DAB1: variants seen among roughly 807,000 people sequenced by gnomAD.
The protein encoded by DAB1 is disabled homolog 1.
In DAB1, 15 loss-of-function variants were observed where a neutral mutation model predicts 64.6. That is an observed-to-expected ratio of 0.23 (90% CI 0.16 to 0.36). The LOEUF (loss-of-function observed/expected upper bound fraction) is 0.36. Among genes scored for constraint, DAB1 ranks in the 10% least tolerant of loss-of-function variants. DAB1 has a pLI of 1.00. For synonymous variants in DAB1, 235 were observed against 251.9 expected (o/e 0.93, Z 0.64); for missense variants, 596 against 706.7 (o/e 0.84, Z 1.78).
chr1:57,000,586 GTTGTAAGGC>G, intron 14 of DAB1, among the ~76,000 whole-genome samples: 2 of 152,234 alleles, frequency 1.3e-5, no homozygotes, highest in South Asian at 4.2e-4. Flanking sequence ...TCAAATACAT[GTTGTAAGGC>G]TAAACATGTA....
chr1:58,063,032 G>A (rs1648602780), intron 5 of DAB1, among the ~76,000 whole-genome samples: 1 of 152,302 alleles, frequency 6.6e-6, no homozygotes, highest in Admixed American at 6.5e-5. Flanking sequence ...CATGTGCAAA[G>A]CACTCAGCTA....
At chr1:57,587,594 A>C (rs1419433171) in intron 7 of DAB1, among the ~76,000 whole-genome samples, 1 of 152,244 alleles carries the variant, frequency 6.6e-6, no homozygotes, top group Non-Finnish European at 1.5e-5. Flanking sequence ...CCACAAGGTT[A>C]TAATAGTCAT....
chr1:57,078,414 A>G (rs1652186359), intron 4 of DAB1, among the ~76,000 whole-genome samples: 2 of 152,310 alleles, frequency 1.3e-5, no homozygotes, highest in Non-Finnish European at 2.9e-5. Context: ...TTTGTATAAT[A>G]CAAAGAATGA....
At chr1:57,597,419 A>G (rs1645523936) in intron 7 of DAB1, among the ~76,000 whole-genome samples, 1 of 152,196 alleles carries the variant, frequency 6.6e-6, no homozygotes, top group Admixed American at 6.5e-5. Flanking sequence ...ACAAGGCAAA[A>G]TGCTTTGTCT....
At chr1:58,022,222 T>C (rs2764691) in intron 5 of DAB1, among the ~76,000 whole-genome samples, 61,540 of 151,990 alleles carry the variant, frequency 0.4, 13,089 homozygotes, top group East Asian at 0.64. Flanking sequence ...TGCCAACCCA[T>C]TGCACAAAGC....
intron 6 of DAB1, among the ~76,000 whole-genome samples, chr1:57,789,750 C>G (rs1308830898): frequency 6.6e-6 from 1 of 152,196 alleles, no homozygotes; most frequent in Non-Finnish European, 1.5e-5. Context: ...ATAGCACAGC[C>G]TTCACGTACT....
At chr1:57,978,539 T>C (rs963224379) in intron 5 of DAB1, among the ~76,000 whole-genome samples, 1 of 152,062 alleles carries the variant, frequency 6.6e-6, no homozygotes, top group African/African-American at 2.4e-5. Context: ...CCAAAAGCAA[T>C]GGCAACAAAA....
intron 7 of DAB1, among the ~76,000 whole-genome samples, chr1:57,497,045 T>A (rs1219638272): frequency 2.0e-5 from 3 of 152,168 alleles, no homozygotes; most frequent in Non-Finnish European, 2.9e-5. Flanking sequence ...GCCTTCACTC[T>A]GTTCAGAAAG....
chr1:58,176,120 A>G (rs1275578566), intron 4 of DAB1, among the ~76,000 whole-genome samples: 1 of 152,162 alleles, frequency 6.6e-6, no homozygotes, highest in Non-Finnish European at 1.5e-5. Flanking sequence ...CATGTCATTC[A>G]CTGATGTTCT....
At chr1:58,171,587 T>G (rs573283932) in intron 4 of DAB1, among the ~76,000 whole-genome samples, 2 of 152,232 alleles carry the variant, frequency 1.3e-5, no homozygotes, top group East Asian at 1.9e-4. Context: ...TGCCTTATTC[T>G]GTATTCCCCT....
chr1:57,840,593 G>T (rs905303668), intron 1 of DAB1, among the ~76,000 whole-genome samples: 3 of 152,168 alleles, frequency 2.0e-5, no homozygotes, highest in African/African-American at 7.2e-5. Context: ...CCACATGGCT[G>T]GGAAGGCCTC....
intron 6 of DAB1, among the ~76,000 whole-genome samples, chr1:57,728,191 G>A (rs1172320184): frequency 2.0e-5 from 3 of 152,200 alleles, no homozygotes; most frequent in Admixed American, 6.5e-5. Context: ...GAAGAGATAT[G>A]CATGTGCCTG....
chr1:58,472,829 T>C (rs2100332985), intron 3 of DAB1, among the ~76,000 whole-genome samples: 1 of 152,312 alleles, frequency 6.6e-6, no homozygotes, highest in Admixed American at 6.5e-5. Context: ...GAGATCCTGC[T>C]CTCAGGCTTT....
intron 5 of DAB1, among the ~76,000 whole-genome samples, chr1:57,997,285 T>C (rs544993332): frequency 2.5e-4 from 38 of 152,216 alleles, no homozygotes; most frequent in Non-Finnish European, 4.9e-4. Context: ...ACACTGTGCA[T>C]GCAGGCCCTC....
chr1:57,297,676 A>T (rs551099017), intron 1 of DAB1, among the ~76,000 whole-genome samples: 3 of 152,250 alleles, frequency 2.0e-5, no homozygotes, highest in Non-Finnish European at 4.4e-5. Flanking sequence ...TAATTGTGAG[A>T]TTATTTCCAA....
chr1:57,740,163 G>C (rs184832147), intron 6 of DAB1, among the ~76,000 whole-genome samples: 1 of 152,066 alleles, frequency 6.6e-6, no homozygotes, highest in South Asian at 2.1e-4. Flanking sequence ...GCAATGAGCC[G>C]AGATTATGCC....
chr1:58,241,860 A>G (rs1228499738), intron 4 of DAB1, among the ~76,000 whole-genome samples: 2 of 152,224 alleles, frequency 1.3e-5, no homozygotes, highest in Middle Eastern at 3.4e-3. Flanking sequence ...TACTTCATAT[A>G]CACTAATGGA....
At chr1:57,163,594 G>C (rs183055272) in intron 2 of DAB1, among the ~76,000 whole-genome samples, 6 of 152,050 alleles carry the variant, frequency 3.9e-5, no homozygotes, top group Admixed American at 3.9e-4. Flanking sequence ...CTTATGCAGG[G>C]GCATGACTCA....
intron 5 of DAB1, among the ~76,000 whole-genome samples, chr1:58,040,541 C>A (rs1325634478): frequency 6.6e-6 from 1 of 152,188 alleles, no homozygotes; most frequent in Non-Finnish European, 1.5e-5. Flanking sequence ...TCTACCAGTA[C>A]AGATAAAAAT....
Sources: gnomAD v4.1 joint callset for allele counts (sites outside exome capture counted in the v4.1 genomes callset) on GRCh38, gnomAD v4.1.1 for gene constraint, MANE v1.5 for transcripts, NCBI Gene and HGNC (gene_info 2026-07-23, HGNC 2026-07-21) for gene names.